Variants in SH2D7 observed in about 807,000 individuals in gnomAD.
The protein encoded by SH2D7 is SH2 domain-containing protein 7.
In SH2D7, 32 loss-of-function variants were observed where a neutral mutation model predicts 40.8. That is an observed-to-expected ratio of 0.78 (90% confidence interval 0.59 to 1.05). SH2D7 has a LOEUF of 1.05. SH2D7 is among the 50% of genes least tolerant of loss of function. The probability of loss-of-function intolerance (pLI) is 0.00; values close to 1 mark genes in which losing one functional copy is unlikely to be tolerated. For missense variants in SH2D7, 559 were observed against 566.6 expected (o/e 0.99, Z 0.14); for synonymous variants, 195 against 221.5 (o/e 0.88, Z 1.06).
chr15:78,097,272 C>A (rs1038154425), intron 2 of SH2D7, among the ~76,000 whole-genome samples: 1 of 152,168 alleles, frequency 6.6e-6, no homozygotes, highest in Non-Finnish European at 1.5e-5. Context: ...TGTATCTTGA[C>A]CTGAGTGGCA....
chr15:78,100,812 G>T, intron 4 of SH2D7, 87 bp from the exon 5 acceptor site: 1 of 1,464,754 alleles, frequency 6.8e-7, no homozygotes, highest in South Asian at 1.3e-5. Flanking sequence ...AAGACAGGGG[G>T]CCTCGGCTTA....
At chr15:78,103,118 C>T (rs1012641863) in intron 5 of SH2D7, among the ~76,000 whole-genome samples, 4 of 152,144 alleles carry the variant, frequency 2.6e-5, no homozygotes, top group African/African-American at 9.7e-5. Context: ...TACAGCTTCA[C>T]CCCACCCTAC....
At chr15:78,090,380 C>T (rs1291630820), upstream of SH2D7, among the ~76,000 whole-genome samples, 3 of 152,050 alleles carry the variant, frequency 2.0e-5, no homozygotes, top group East Asian at 5.8e-4. Context: ...TGCATTCCAG[C>T]CTGGGCGACA....
chr15:78,099,642 A>T (rs2073999546), intron 4 of SH2D7, among the ~76,000 whole-genome samples: 1 of 152,050 alleles, frequency 6.6e-6, no homozygotes, highest in African/African-American at 2.4e-5. Context: ...ATTTTTCTTT[A>T]TATCAGATCA....
upstream of SH2D7, among the ~76,000 whole-genome samples, chr15:78,092,049 C>T (rs1195204412): frequency 6.6e-6 from 1 of 152,248 alleles, no homozygotes; most frequent in African/African-American, 2.4e-5. Flanking sequence ...GGGCAAAGTG[C>T]TGTTTTATTC....
rs1389559899 is a variant in SH2D7 at position 78,098,475 on chromosome 15, C to T, written c.524C>T (p.Thr175Ile). The change falls in exon 4 of 6, where the codon ACA (threonine) becomes ATA (isoleucine). Residue 175 changes from threonine to isoleucine, a missense_variant. Coordinates refer to ENST00000328828, the MANE Select transcript of SH2D7 (RefSeq NM_001101404.2). The stretch of plus-strand genomic sequence containing the variant: ...AACCCACCTGCCACGGCATTCCTCA[C>T]AGTGGTCCCCGACAAGGCCGCCAGC... The part of the protein sequence containing the change: ...PENPPATAFL[T>I]VVPDKAASPR... 1.9e-6 allele frequency: 3 copies of T among 1,613,916 alleles called. No individual in the cohort carries two copies. The African/African-American group carries it at 4.0e-5, about 22-fold the overall frequency.
Position 78,101,577 on chromosome 15 carries a change from TG to T in SH2D7, c.1305+23del. The T allele has an allele frequency of 6.5e-7, 1 of 1,549,390 alleles. No homozygotes were observed. On this transcript the variant is annotated intron_variant, in intron 5 of 5. Transcript: ENST00000328828. ...ACACAAGGTGAGCTCCATGATGGGG[TG>T]GGGCGGCTCCCAGCCCTTAGAGAGC...
chr15:78,091,711 A>C (rs1187512542), upstream of SH2D7, among the ~76,000 whole-genome samples: 1 of 152,204 alleles, frequency 6.6e-6, no homozygotes, highest in Non-Finnish European at 1.5e-5. Flanking sequence ...CAGGGGACCC[A>C]TCTACTCCAA....
chr15:78,091,644 G>T (rs2073941516), upstream of SH2D7, among the ~76,000 whole-genome samples: 1 of 152,164 alleles, frequency 6.6e-6, no homozygotes, highest in Non-Finnish European at 1.5e-5. Context: ...GTGAACAAAT[G>T]GTCCCATTGC....
rs762354720 is a variant in SH2D7, at chr15:78,101,265, GAGGCTCAGCCCTGCTCCC to G, written c.1016_1033del (p.Ala339_Gln344del). On this transcript the variant is annotated inframe_deletion, in exon 5 of 6. Coordinates refer to ENST00000328828, the MANE Select transcript of SH2D7 (RefSeq NM_001101404.2). ...GCAGGAGTTTCCAAAGCTGAGCCAA[GAGGCTCAGCCCTGCTCCC>G]AGGGCAGCTCTGCAGATATCTATGA... 3.2e-5 allele frequency: 52 copies of G among 1,609,384 alleles called. No individual in the cohort carries two copies. The Admixed American group carries it at 3.2e-4, about 10-fold the overall frequency.
intron 2 of SH2D7, among the ~76,000 whole-genome samples, chr15:78,094,726 T>C (rs1370422449): frequency 6.6e-6 from 1 of 152,156 alleles, no homozygotes; most frequent in Non-Finnish European, 1.5e-5. Flanking sequence ...AAGGATGATC[T>C]GGTTCAATGT....
At chr15:78,100,436 AC>A (rs1466983831) in intron 4 of SH2D7, among the ~76,000 whole-genome samples, 6 of 152,038 alleles carry the variant, frequency 3.9e-5, no homozygotes, top group Non-Finnish European at 7.4e-5. Context: ...GGTGGCTCAC[AC>A]CTGTAATCCC....
chr15:78,103,234 C>A (rs1373357831), intron 5 of SH2D7, among the ~76,000 whole-genome samples: 1 of 152,172 alleles, frequency 6.6e-6, no homozygotes, highest in Non-Finnish European at 1.5e-5. Flanking sequence ...CTCCTTCTTC[C>A]CCTTCTCTCC....
intron 2 of SH2D7, among the ~76,000 whole-genome samples, chr15:78,096,763 A>G (rs2073974600): frequency 6.6e-6 from 1 of 152,054 alleles, no homozygotes; most frequent in Non-Finnish European, 1.5e-5. Flanking sequence ...GGCCCCTCAA[A>G]GTGCTGGGAT....
upstream of SH2D7, chr15:78,092,464 G>A: frequency 1.8e-6 from 2 of 1,130,392 alleles, no homozygotes; most frequent in Non-Finnish European, 2.4e-6. Context: ...GTGACAATGG[G>A]GCTGCTGTGT....
In SH2D7 at chr15:78,098,100, C is replaced by G. The variant is rs768001471; in HGVS notation, c.432+6C>G. On this transcript the variant is annotated splice_donor_region_variant and intron_variant, in intron 3 of 5. Coordinates refer to ENST00000328828, the MANE Select transcript of SH2D7 (RefSeq NM_001101404.2). ...TGACTGCTGCCTGCCCCCGGGTAGG[C>G]GCCCCACTTCCCCAGGGTGAGGGTG... 4.4e-6 allele frequency: 7 copies of G among 1,601,436 alleles called. No homozygotes were observed. The highest frequency in any genetic ancestry group is 1.7e-5 in the Admixed American group (1 of 58,298).
At position 78,092,756 on chromosome 15, in the gene SH2D7, C is replaced by T. The variant is rs772252772; in HGVS notation, c.172C>T (p.Arg58Cys). Residue 58 changes from arginine to cysteine, a missense_variant, in exon 1 of 6, where the codon CGC becomes TGC. Coordinates refer to ENST00000328828, the MANE Select transcript of SH2D7 (RefSeq NM_001101404.2). ...TCCCTGGTTTCATGGATTCATCACCCGCAAGTAAGGCTGCTTCTACCCACA... is the reference window on the plus strand; with the variant it reads ...TCCCTGGTTTCATGGATTCATCACCTGCAAGTAAGGCTGCTTCTACCCACA... ...LPPWFHGFIT[R>C]KQTEQLLRDK... 48 of 1,607,138 alleles carry T rather than the reference C, an allele frequency of 3.0e-5. 1 individual carries two copies. In the Middle Eastern group the frequency reaches 4.9e-4, roughly 17 times the overall value.
chr15:78,100,114 G>A (rs1031241802), intron 4 of SH2D7, among the ~76,000 whole-genome samples: 4 of 152,210 alleles, frequency 2.6e-5, no homozygotes, highest in South Asian at 4.1e-4. Flanking sequence ...GCTACACAGC[G>A]CAGCAGTAGG....
In SH2D7 at chr15:78,101,574, G is replaced by A. The variant is rs368309037; in HGVS notation, c.1305+16G>A. 6.4e-7 allele frequency: 1 copy of A among 1,551,204 alleles called. No individual in the cohort carries two copies. Among genetic ancestry groups the A allele is most frequent in the Non-Finnish European group, 8.7e-7 (1 of 1,151,996 alleles). On this transcript the variant is annotated intron_variant, in intron 5 of 5. Coordinates refer to ENST00000328828, the MANE Select transcript of SH2D7 (RefSeq NM_001101404.2). ...GACACACAAGGTGAGCTCCATGATG[G>A]GGTGGGGCGGCTCCCAGCCCTTAGA... is the stretch of plus-strand genomic sequence containing the variant.
Sources: gnomAD v4.1 joint callset for allele counts (sites outside exome capture counted in the v4.1 genomes callset) on GRCh38, gnomAD v4.1.1 for gene constraint, MANE v1.5 for transcripts, NCBI Gene and HGNC (gene_info 2026-07-23, HGNC 2026-07-21) for gene names.